The following TRPM3 variants were observed in gnomAD, a reference collection of about 807,000 sequenced individuals.
TRPM3 encodes the protein long transient receptor potential channel 3.
Under a neutral mutation model 181.2 loss-of-function variants are expected in TRPM3, and 77 were observed. The ratio of observed to expected loss-of-function variants is 0.42; its 90% CI spans 0.35 to 0.51. The LOEUF (loss-of-function observed/expected upper bound fraction) is 0.51. TRPM3 is among the 20% of genes least tolerant of loss of function. The pLI is 0.01. For synonymous variants in TRPM3, 745 were observed against 796.4 expected (o/e 0.94, Z 1.09); for missense variants, 1,759 against 2,196.7 (o/e 0.80, Z 3.98).
chr9:71,323,511 C>A (rs561383180), intron 1 of TRPM3, among the ~76,000 whole-genome samples: 55 of 152,040 alleles, frequency 3.6e-4, no homozygotes, highest in Non-Finnish European at 6.0e-4. Context: ...ACTAGATATG[C>A]TTTGTTGTCT....
At chr9:71,131,803 C>T (rs1257400457) in intron 1 of TRPM3, among the ~76,000 whole-genome samples, 1 of 152,164 alleles carries the variant, frequency 6.6e-6, no homozygotes, top group Non-Finnish European at 1.5e-5. Context: ...TACAGAAGAA[C>T]TGGTTTTGGA....
intron 22 of TRPM3, 142 bp from the exon 23 acceptor site, chr9:70,553,452 A>G: frequency 1.9e-6 from 2 of 1,071,288 alleles, no homozygotes; most frequent in South Asian, 3.4e-5. Flanking sequence ...ACAAGCCAAA[A>G]TTGAAAAATG....
chr9:71,265,082 T>C (rs1588191673), intron 1 of TRPM3, among the ~76,000 whole-genome samples: 2 of 152,176 alleles, frequency 1.3e-5, no homozygotes, highest in African/African-American at 2.4e-5. Flanking sequence ...AATTCAAGCA[T>C]GAGATCTTCA....
At chr9:71,380,451 G>C (rs1322073834) in intron 1 of TRPM3, among the ~76,000 whole-genome samples, 5 of 151,914 alleles carry the variant, frequency 3.3e-5, no homozygotes, top group Non-Finnish European at 5.9e-5. Flanking sequence ...TTTTTAATTT[G>C]ATTTTATTTT....
At chr9:71,269,015 A>C (rs2083589179) in intron 1 of TRPM3, among the ~76,000 whole-genome samples, 1 of 152,200 alleles carries the variant, frequency 6.6e-6, no homozygotes, top group African/African-American at 2.4e-5. Context: ...GATTTACTTA[A>C]GGATGAATGA....
At chr9:70,875,392 G>A (rs1439752522) in intron 1 of TRPM3, among the ~76,000 whole-genome samples, 1 of 151,700 alleles carries the variant, frequency 6.6e-6, no homozygotes, top group Non-Finnish European at 1.5e-5. Context: ...TCTTTTATAA[G>A]TAAACAAACA....
chr9:70,997,072 T>A (rs565260250), intron 1 of TRPM3, among the ~76,000 whole-genome samples: 1 of 152,372 alleles, frequency 6.6e-6, no homozygotes, highest in East Asian at 1.9e-4. Flanking sequence ...TCTTGAGAAG[T>A]ACCTAGATGG....
chr9:70,761,269 C>A lies in TRPM3; in HGVS notation c.1272+332G>T. 8.4e-6 allele frequency: 5 copies of A among 597,598 alleles called. No homozygotes were observed. The East Asian group carries it at 1.1e-4, about 13-fold the overall frequency. 37.0% of individuals were successfully genotyped at this position (597,598 alleles called of 1,614,324 possible). ...TCATGACTTCCAAGCAAAATGAAAT[C>A]CGAAACCTAAGAAGATCAAGCTGAA... On this transcript the variant is annotated intron_variant, in intron 8 of 25. Coordinates refer to ENST00000677713, the MANE Select transcript of TRPM3 (RefSeq NM_001366145.2).
intron 1 of TRPM3, among the ~76,000 whole-genome samples, chr9:71,375,578 T>C (rs1477667995): frequency 4.6e-5 from 7 of 152,042 alleles, no homozygotes; most frequent in African/African-American, 1.7e-4. Context: ...ATCATCAGAG[T>C]AAACAGACAA....
chr9:70,682,606 A>C (rs1219153544), intron 8 of TRPM3, among the ~76,000 whole-genome samples: 1 of 152,204 alleles, frequency 6.6e-6, no homozygotes. Flanking sequence ...CATTTTGTAC[A>C]TAAACAACAT....
intron 7 of TRPM3, among the ~76,000 whole-genome samples, chr9:70,765,429 A>G (rs1372906786): frequency 3.3e-5 from 5 of 152,082 alleles, no homozygotes; most frequent in Admixed American, 3.3e-4. Flanking sequence ...CACCTCTACT[A>G]AAAATTCAAA....
At chr9:70,557,701 G>A (rs908837570) in intron 22 of TRPM3, among the ~76,000 whole-genome samples, 1 of 152,298 alleles carries the variant, frequency 6.6e-6, no homozygotes, top group Admixed American at 6.5e-5. Context: ...TTTAGGAAAC[G>A]TAGGCTGGTG....
intron 1 of TRPM3, among the ~76,000 whole-genome samples, chr9:71,294,748 G>A (rs1265956927): frequency 1.3e-5 from 2 of 152,122 alleles, no homozygotes; most frequent in East Asian, 3.9e-4. Flanking sequence ...TCAACAAGAT[G>A]ACAGAGCATT....
At chr9:71,446,626 G>C (rs78190162) in intron 1 of TRPM3, 19 of 1,546,344 alleles carry the variant, frequency 1.2e-5, no homozygotes, top group Non-Finnish European at 1.7e-5. Flanking sequence ...AGAAAGCAAA[G>C]ACTGGGGCTC....
chr9:71,145,583 G>C (rs1424421255), intron 1 of TRPM3, among the ~76,000 whole-genome samples: 1 of 151,994 alleles, frequency 6.6e-6, no homozygotes, highest in Admixed American at 6.6e-5. Flanking sequence ...ATGAGGAATG[G>C]ACAAAACAGG....
chr9:71,062,302 A>G (rs2061417938), intron 1 of TRPM3, among the ~76,000 whole-genome samples: 1 of 152,106 alleles, frequency 6.6e-6, no homozygotes, highest in Non-Finnish European at 1.5e-5. Flanking sequence ...AAAATGCAAG[A>G]TATGCCAATG....
At position 70,543,447 on chromosome 9, in the gene TRPM3, A is replaced by AT. The variant is rs527667874; in HGVS notation, c.3708-6043dup. The stretch of plus-strand genomic sequence containing the variant: ...ACAGCAGATCTTATTCATTCTTTCT[A>AT]TTTTTTTTTGTACCCATTAACCATT... On this transcript the variant is annotated intron_variant, in intron 25 of 25. Coordinates refer to ENST00000677713, the MANE Select transcript of TRPM3 (RefSeq NM_001366145.2). Among the ~76,000 whole-genome samples, 685 of 151,004 alleles carry AT rather than the reference A, an allele frequency of 4.5e-3. 7 individuals carry two copies. The highest frequency in any genetic ancestry group is 0.015 in the African/African-American group (597 of 41,172).
At position 70,916,936 on chromosome 9, in the gene TRPM3, G is replaced by T; in HGVS notation, c.178-52425C>A. ...CACTTCTCTTTAGATACTGATGGTG[G>T]CACTGCAAATTGGCTTAGGCTTTCT... On this transcript the variant is annotated intron_variant, in intron 1 of 25. Transcript: ENST00000677713. 5.2e-6 allele frequency: 6 copies of T among 1,151,752 alleles called. No individual in the cohort carries two copies. In the East Asian group the frequency reaches 7.1e-5, roughly 14 times the overall value. 71.3% of individuals were successfully genotyped at this position (1,151,752 alleles called of 1,614,324 possible). A position where few individuals can be genotyped will look rare whatever the true frequency, so the allele number is the denominator to read the frequency against.
At chr9:70,668,604 C>G (rs961219678) in intron 9 of TRPM3, among the ~76,000 whole-genome samples, 1 of 145,364 alleles carries the variant, frequency 6.9e-6, no homozygotes, top group African/African-American at 2.6e-5. Flanking sequence ...GGCGGAGCTT[C>G]CAGTGAGCCG....
Sources: allele counts gnomAD v4.1 joint callset (sites outside exome capture counted in the v4.1 genomes callset), GRCh38; gene constraint gnomAD v4.1.1; transcripts MANE v1.5; gene names NCBI Gene and HGNC (gene_info 2026-07-23, HGNC 2026-07-21).